The following PARP6 variants were observed in gnomAD, a reference collection of about 807,000 sequenced individuals.
The protein encoded by PARP6 is protein mono-ADP-ribosyltransferase PARP6.
A neutral mutation model predicts 92.0 loss-of-function variants in PARP6; 27 were observed. The observed-to-expected ratio is 0.29, with a 90% CI of 0.22 to 0.40. The LOEUF is 0.40. Ranked by LOEUF, PARP6 falls within the 10% of genes least tolerant of loss-of-function variation. The pLI, the probability that PARP6 is intolerant of heterozygous loss-of-function variation, is 1.00. For synonymous variants in PARP6, 272 were observed against 281.2 expected, an observed-to-expected ratio of 0.97 and a Z score of 0.33; for missense variants, 501 against 784.5, an observed-to-expected ratio of 0.64 and a Z score of 4.32.
At chr15:72,271,521 T>C (rs796233964) in intron 1 of PARP6, among the ~76,000 whole-genome samples, 4 of 152,272 alleles carry the variant, frequency 2.6e-5, no homozygotes, top group African/African-American at 9.6e-5. Context: ...TTTTAAAAAA[T>C]TAGCCGGAAA....
intron 16 of PARP6, among the ~76,000 whole-genome samples, chr15:72,251,773 A>C (rs1191159449): frequency 6.6e-6 from 1 of 152,242 alleles, no homozygotes; most frequent in Non-Finnish European, 1.5e-5. Flanking sequence ...AAAAAGAAAC[A>C]GAAGAAACTA....
At chr15:72,272,068 T>G (rs1018900137) in intron 1 of PARP6, among the ~76,000 whole-genome samples, 8 of 152,160 alleles carry the variant, frequency 5.3e-5, no homozygotes, top group African/African-American at 1.7e-4. Flanking sequence ...AGTAGGCCAC[T>G]AAACAAAGAC....
At chr15:72,264,752 G>A in intron 7 of PARP6, 131 bp from the exon 8 acceptor site, 2 of 677,076 alleles carry the variant, frequency 3.0e-6, no homozygotes, top group Admixed American at 3.0e-5. Flanking sequence ...AACGGTGGAA[G>A]AAAAAAAACA....
chr15:72,256,689 C>A, intron 13 of PARP6, 99 bp from the exon 14 acceptor site: 4 of 1,036,752 alleles, frequency 3.9e-6, no homozygotes, highest in Non-Finnish European at 5.2e-6. Context: ...TTTTAAAAAG[C>A]AAATATGTTT....
At chr15:72,265,797 T>G (rs2086507028) in intron 5 of PARP6, 100 bp downstream of exon 5, 1 of 810,570 alleles carries the variant, frequency 1.2e-6, no homozygotes, top group African/African-American at 1.7e-5. Context: ...AAGTTCATAA[T>G]TTATCCCACT....
chr15:72,250,007 G>C lies in PARP6; in HGVS notation c.1491+13C>G. The C allele has an allele frequency of 6.4e-7, 1 of 1,557,662 alleles. No homozygotes were observed. Among genetic ancestry groups the C allele is most frequent in the Non-Finnish European group, 8.9e-7 (1 of 1,128,356 alleles). ...AGCGGTTAGAAATAAAGGAGAAAGG[G>C]GCACAGCCTCACCTGCAGTTTGGTG... On this transcript the variant is annotated intron_variant, in intron 19 of 23. Transcript: ENST00000569795.
Position 72,267,503 on chromosome 15 carries a change from C to T in PARP6, c.-26G>A, listed in dbSNP as rs975615554. 6 of 1,613,784 alleles carry T rather than the reference C, an allele frequency of 3.7e-6. No individual in the cohort carries two copies. In the African/African-American group the frequency reaches 8.0e-5, roughly 22 times the overall value. The stretch of plus-strand genomic sequence containing the variant: ...TGGGTCAGTGGGTCACACACACTCT[C>T]AGGTCAGTGCTAGGCAGCACCCCTC... On this transcript the variant is annotated 5_prime_UTR_variant, in exon 3 of 24. The change abolishes the stop of an existing upstream ORF in the 5' untranslated region. Coordinates refer to ENST00000569795, the MANE Select transcript of PARP6 (RefSeq NM_001323532.2).
chr15:72,251,898 A>G (rs1014426943), intron 16 of PARP6, among the ~76,000 whole-genome samples: 2 of 152,242 alleles, frequency 1.3e-5, no homozygotes, highest in Non-Finnish European at 2.9e-5. Flanking sequence ...ACTATCTCCC[A>G]TGTGGATACA....
chr15:72,250,148 T>C (rs2084157160), intron 18 of PARP6, 56 bp from the exon 19 acceptor site: 1 of 1,115,514 alleles, frequency 9.0e-7, no homozygotes, highest in South Asian at 1.2e-5. Flanking sequence ...CCAGGAACAC[T>C]CCCAAGACTG....
At chr15:72,256,905 GC>G (rs2085215459) in intron 13 of PARP6, among the ~76,000 whole-genome samples, 2 of 151,800 alleles carry the variant, frequency 1.3e-5, no homozygotes, top group Non-Finnish European at 2.9e-5. Flanking sequence ...AGAGACAGGG[GC>G]TCACTCTGTT....
At chr15:72,257,003 A>G (rs957762809) in intron 13 of PARP6, among the ~76,000 whole-genome samples, 1 of 152,112 alleles carries the variant, frequency 6.6e-6, no homozygotes, top group Non-Finnish European at 1.5e-5. Context: ...TCAGCCTCCC[A>G]AAGTACTGGG....
At chr15:72,243,019 A>C (rs2083231834) in intron 20 of PARP6, 1 of 298,344 alleles carries the variant, frequency 3.4e-6, no homozygotes, top group South Asian at 8.1e-5. Flanking sequence ...TAATTAAATA[A>C]ACAGCGGGGA....
Position 72,241,196 on chromosome 15 carries a change from C to G in PARP6, c.*259G>C, listed in dbSNP as rs1295020171. On this transcript the variant is annotated 3_prime_UTR_variant, in exon 24 of 24. Coordinates refer to ENST00000569795, the MANE Select transcript of PARP6 (RefSeq NM_001323532.2). This position sits in a 1 kb window ranked among gnomAD's most constrained non-coding sequence, Gnocchi z 4.1. Reference sequence around the variant, plus strand: ...AGTGATCATATCCAGTCCACAGCACCTTCCATTTTATTGTTTTATTTACAA... The same window carrying G: ...AGTGATCATATCCAGTCCACAGCACGTTCCATTTTATTGTTTTATTTACAA... The G allele has an allele frequency of 3.4e-6, 2 of 593,494 alleles. No individual in the cohort carries two copies. The highest frequency in any genetic ancestry group is 6.3e-6 in the Non-Finnish European group (2 of 316,068). The allele number at this position is 593,494 out of a possible 1,614,324, so 36.8% of individuals were successfully genotyped here.
chr15:72,264,086 G>GTCC (rs1278015219), intron 8 of PARP6, among the ~76,000 whole-genome samples: 2 of 151,644 alleles, frequency 1.3e-5, no homozygotes, highest in African/African-American at 4.8e-5. Flanking sequence ...ACTCTTCAGT[G>GTCC]TCCTTTCTAA....
At chr15:72,266,293 TATGAC>T (rs1285566017) in intron 4 of PARP6, among the ~76,000 whole-genome samples, 2 of 152,204 alleles carry the variant, frequency 1.3e-5, no homozygotes, top group African/African-American at 2.4e-5. Flanking sequence ...GGATACCTTC[TATGAC>T]AACTCAGAAC....
At position 72,254,518 on chromosome 15, in the gene PARP6, C is replaced by T. The variant is rs780801827; in HGVS notation, c.1128G>A (p.Lys376=). ...DPKTLAFNPK[K]KNYERLQKAL... ...CTTTCTGAAGCCGCTCATAATTCTT[C>T]TTCTGTGGAGAATCAATGGGAAGAG... is the stretch of plus-strand genomic sequence containing the variant. The change falls in exon 15 of 24, where the codon AAG becomes AAA. Residue 376 remains lysine, a splice_region_variant and synonymous_variant. Transcript: ENST00000569795. The T allele has an allele frequency of 1.2e-6, 2 of 1,611,444 alleles. No individual in the cohort carries two copies. The highest frequency in any genetic ancestry group is 8.5e-7 in the Non-Finnish European group (1 of 1,177,784).
intron 2 of PARP6, among the ~76,000 whole-genome samples, chr15:72,268,598 T>C (rs2086923818): frequency 2.0e-5 from 3 of 152,224 alleles, no homozygotes; most frequent in Non-Finnish European, 4.4e-5. Flanking sequence ...CTCAGGAGGC[T>C]GAGGCAGGAG....
At chr15:72,260,349 G>T in intron 10 of PARP6, 129 bp downstream of exon 10, 1 of 713,650 alleles carries the variant, frequency 1.4e-6, no homozygotes, top group Non-Finnish European at 2.4e-6. Context: ...ACTCACTCAT[G>T]GTACATACCT....
chr15:72,256,445 G>C lies in PARP6; in HGVS notation c.1125+20C>G. 6.6e-7 allele frequency: 1 copy of C among 1,519,224 alleles called. No individual in the cohort carries two copies. The highest frequency in any genetic ancestry group is 1.3e-5 in the South Asian group (1 of 76,218). 94.1% of individuals were successfully genotyped at this position (1,519,224 alleles called of 1,614,324 possible). A position where few individuals can be genotyped will look rare whatever the true frequency, so the allele number is the denominator to read the frequency against. On this transcript the variant is annotated intron_variant, in intron 14 of 23. Transcript: ENST00000569795. ...TTTATCATTTCTGTTCCTTAGCCCT[G>C]ACTTTCTCAAGTAACATACCTTAGG...
Sources: allele counts gnomAD v4.1 joint callset (sites outside exome capture counted in the v4.1 genomes callset), GRCh38; gene constraint gnomAD v4.1.1; non-coding constraint Gnocchi (gnomAD v3.1); transcripts MANE v1.5; gene names NCBI Gene and HGNC (gene_info 2026-07-23, HGNC 2026-07-21).